The following PDGFD variants were observed in gnomAD, a reference collection of about 807,000 sequenced individuals.
PDGFD encodes platelet derived growth factor D, also known as platelet-derived growth factor D.
PDGFD carries 30 observed loss-of-function variants against 44.7 expected under a neutral mutation model. The ratio of observed to expected loss-of-function variants is 0.67; its 90% CI spans 0.50 to 0.91. The LOEUF (loss-of-function observed/expected upper bound fraction) is 0.91. PDGFD is among the 40% of genes least tolerant of loss of function. The pLI, the probability that PDGFD is intolerant of heterozygous loss-of-function variation, is 0.00. For missense variants in PDGFD, 445 were observed against 457.8 expected (o/e 0.97, Z 0.25); for synonymous variants, 173 against 168.4 (o/e 1.03, Z -0.21).
intron 1 of PDGFD, among the ~76,000 whole-genome samples, chr11:104,153,334 C>A (rs994870833): frequency 3.3e-5 from 5 of 152,162 alleles, no homozygotes; most frequent in African/African-American, 9.7e-5. Context: ...TTGAGCTTCT[C>A]CAATGTGCCA....
At chr11:104,144,507 C>CAAAAAAAAAAAAAAAAAAAA (rs201864924) in intron 1 of PDGFD, among the ~76,000 whole-genome samples, 1 of 73,820 alleles carries the variant, frequency 1.4e-5, no homozygotes, top group African/African-American at 6.3e-5. Context: ...ACTCCGTCAC[C>CAAAAAAAAAAAAAAAAAAAA]AAAAAAAAAA....
intron 1 of PDGFD, among the ~76,000 whole-genome samples, chr11:104,101,334 A>T (rs1007899062): frequency 6.6e-6 from 1 of 152,196 alleles, no homozygotes; most frequent in Non-Finnish European, 1.5e-5. Flanking sequence ...CCAAATCATG[A>T]GTGAACTTCC....
intron 6 of PDGFD, among the ~76,000 whole-genome samples, chr11:103,922,155 A>C (rs961131091): frequency 6.6e-5 from 10 of 152,304 alleles, no homozygotes; most frequent in African/African-American, 2.4e-4. Flanking sequence ...GCACCAAATC[A>C]TGAAAAACAG....
intron 1 of PDGFD, among the ~76,000 whole-genome samples, chr11:104,109,134 G>A (rs914448826): frequency 7.3e-5 from 11 of 151,604 alleles, no homozygotes; most frequent in African/African-American, 2.7e-4. Context: ...ACACCAACAT[G>A]GCACATGTAT....
intron 1 of PDGFD, among the ~76,000 whole-genome samples, chr11:104,057,908 T>C (rs898933606): frequency 1.6e-4 from 24 of 152,240 alleles, no homozygotes; most frequent in African/African-American, 5.1e-4. Context: ...GTCAAAATAA[T>C]TTAATGCGGA....
chr11:104,157,923 CTTTA>C (rs113598181), intron 1 of PDGFD, among the ~76,000 whole-genome samples: 30,388 of 151,942 alleles, frequency 0.2, 3,014 homozygotes, highest in Middle Eastern at 0.28. Context: ...TTTATACAAT[CTTTA>C]TTTGTCAGTT....
chr11:104,058,155 C>G (rs929051621), intron 1 of PDGFD, among the ~76,000 whole-genome samples: 1 of 152,108 alleles, frequency 6.6e-6, no homozygotes, highest in Admixed American at 6.5e-5. Context: ...AATTGATAAA[C>G]TGGACTTCAT....
intron 3 of PDGFD, among the ~76,000 whole-genome samples, chr11:103,990,723 C>T (rs1859436955): frequency 6.6e-6 from 1 of 152,148 alleles, no homozygotes; most frequent in African/African-American, 2.4e-5. Flanking sequence ...GGATTACTGT[C>T]CTCACTCTGA....
intron 5 of PDGFD, among the ~76,000 whole-genome samples, chr11:103,931,495 C>T (rs1185519757): frequency 1.3e-5 from 2 of 152,214 alleles, no homozygotes; most frequent in Non-Finnish European, 2.9e-5. Context: ...AGTAGAATCA[C>T]ATGCTTTTTT....
intron 1 of PDGFD, among the ~76,000 whole-genome samples, chr11:104,041,293 T>C (rs1860348501): frequency 6.6e-6 from 1 of 152,076 alleles, no homozygotes; most frequent in Non-Finnish European, 1.5e-5. Context: ...GGAATGGACA[T>C]GAAATTAATA....
chr11:103,959,530 A>G (rs1274504741), intron 3 of PDGFD, among the ~76,000 whole-genome samples: 1 of 151,652 alleles, frequency 6.6e-6, no homozygotes, highest in Non-Finnish European at 1.5e-5. Context: ...TCCTCTTTCC[A>G]CTCCCCACTC....
At chr11:103,991,179 C>G (rs1012824608) in intron 3 of PDGFD, among the ~76,000 whole-genome samples, 1 of 151,914 alleles carries the variant, frequency 6.6e-6, no homozygotes, top group Non-Finnish European at 1.5e-5. Context: ...GAGGATGATG[C>G]TCACCTTTAT....
chr11:104,043,472 G>C (rs1270948284), intron 1 of PDGFD, among the ~76,000 whole-genome samples: 1 of 152,188 alleles, frequency 6.6e-6, no homozygotes, highest in Non-Finnish European at 1.5e-5. Flanking sequence ...CTTGTGGTCT[G>C]TTTCTGCCTT....
chr11:104,121,158 AACGAATT>A (rs1861773318), intron 1 of PDGFD, among the ~76,000 whole-genome samples: 1 of 152,052 alleles, frequency 6.6e-6, no homozygotes, highest in Non-Finnish European at 1.5e-5. Context: ...TTTGAATCCA[AACGAATT>A]AGATTTTAAA....
chr11:103,916,550 A>G (rs1469944641), intron 6 of PDGFD, among the ~76,000 whole-genome samples: 1 of 152,194 alleles, frequency 6.6e-6, no homozygotes, highest in Non-Finnish European at 1.5e-5. Flanking sequence ...AGGATCTAGA[A>G]CCAGAAATAT....
At chr11:104,135,516 G>A (rs1207924232) in intron 1 of PDGFD, among the ~76,000 whole-genome samples, 1 of 152,180 alleles carries the variant, frequency 6.6e-6, no homozygotes, top group Non-Finnish European at 1.5e-5. Context: ...GTATAAGTTT[G>A]TGGAAAGACT....
rs1470064197 is a variant in PDGFD, at chr11:104,073,308, A to T, written c.125-73053T>A. Among the ~76,000 whole-genome samples the T allele has an allele frequency of 4.6e-5, 7 of 152,188 alleles. No individual in the cohort carries two copies. In the South Asian group the frequency reaches 1.4e-3, roughly 31 times the overall value. On this transcript the variant is annotated intron_variant, in intron 1 of 6. Transcript: ENST00000393158. The stretch of plus-strand genomic sequence containing the variant: ...AATTGCAATTTAAAAATGCTACATA[A>T]ATAAATAGGATTTCAGTTAAGTTTT...
intron 1 of PDGFD, among the ~76,000 whole-genome samples, chr11:104,126,572 G>C (rs1157629847): frequency 6.6e-6 from 1 of 152,092 alleles, no homozygotes; most frequent in Non-Finnish European, 1.5e-5. Context: ...AGACGCTAAA[G>C]AAATAAACAT....
At chr11:104,103,394 C>T (rs1372928074) in intron 1 of PDGFD, among the ~76,000 whole-genome samples, 2 of 150,196 alleles carry the variant, frequency 1.3e-5, no homozygotes, top group Admixed American at 6.7e-5. Context: ...TTCACCTGAA[C>T]ATATTTCTTT....
Sources: allele counts gnomAD v4.1 joint callset (sites outside exome capture counted in the v4.1 genomes callset), GRCh38; gene constraint gnomAD v4.1.1; transcripts MANE v1.5; gene names NCBI Gene and HGNC (gene_info 2026-07-23, HGNC 2026-07-21).